The following ANKRD29 variants were observed in gnomAD, a reference collection of about 807,000 sequenced individuals.
The protein encoded by ANKRD29 is ankyrin repeat domain-containing protein 29.
ANKRD29 carries 32 observed loss-of-function variants against 38.0 expected under a neutral mutation model. The ratio of observed to expected loss-of-function variants is 0.84; its 90% CI spans 0.64 to 1.13. The LOEUF (loss-of-function observed/expected upper bound fraction) is 1.13, where lower values mean the gene tolerates loss of function less well. ANKRD29 is among the 50% of genes most tolerant of loss of function. The probability of loss-of-function intolerance (pLI) is 0.00; values close to 1 mark genes in which losing one functional copy is unlikely to be tolerated. For synonymous variants in ANKRD29, 135 were observed against 152.4 expected, an observed-to-expected ratio of 0.89 and a Z score of 0.84; for missense variants, 357 against 377.9, an observed-to-expected ratio of 0.94 and a Z score of 0.46.
intron 5 of ANKRD29, among the ~76,000 whole-genome samples, chr18:23,632,859 C>T (rs533971568): frequency 1.3e-5 from 2 of 152,062 alleles, no homozygotes; most frequent in Non-Finnish European, 2.9e-5. Flanking sequence ...GTGAGGCTAG[C>T]TGCTATGAAT....
At chr18:23,619,480 A>C in intron 7 of ANKRD29, 51 bp downstream of exon 7, 1 of 1,507,294 alleles carries the variant, frequency 6.6e-7, no homozygotes. Flanking sequence ...TTTTCTCCAC[A>C]CAGGCGCGCC....
intron 9 of ANKRD29, among the ~76,000 whole-genome samples, chr18:23,607,208 A>G (rs910058267): frequency 2.0e-5 from 3 of 152,176 alleles, no homozygotes; most frequent in African/African-American, 7.2e-5. Flanking sequence ...TGCTGGATTC[A>G]ATCACAGAGG....
intron 6 of ANKRD29, among the ~76,000 whole-genome samples, chr18:23,628,392 T>C (rs1304566999): frequency 6.6e-6 from 1 of 152,216 alleles, no homozygotes; most frequent in Non-Finnish European, 1.5e-5. Flanking sequence ...AAAGTTCTCA[T>C]AGCTATTCAT....
chr18:23,610,718 C>G (rs1449351701), intron 9 of ANKRD29, among the ~76,000 whole-genome samples: 1 of 152,176 alleles, frequency 6.6e-6, no homozygotes, highest in Admixed American at 6.5e-5. Context: ...CTCCGTCGTT[C>G]AGGGTGGATT....
intron 4 of ANKRD29, among the ~76,000 whole-genome samples, chr18:23,635,566 G>T (rs1032680475): frequency 1.8e-4 from 27 of 152,160 alleles, no homozygotes; most frequent in African/African-American, 6.5e-4. Context: ...TGAGCTAATT[G>T]TAAGTAATTC....
At chr18:23,662,648 C>T in intron 1 of ANKRD29, 62 bp downstream of exon 1, 1 of 1,060,596 alleles carries the variant, frequency 9.4e-7, no homozygotes, top group Non-Finnish European at 1.3e-6. Flanking sequence ...CCCCACCCGA[C>T]CCCGCGGGCC....
At chr18:23,625,537 A>G (rs987958908) in intron 6 of ANKRD29, among the ~76,000 whole-genome samples, 2 of 152,216 alleles carry the variant, frequency 1.3e-5, no homozygotes, top group African/African-American at 4.8e-5. Flanking sequence ...CACACGACTC[A>G]CTAGAGAAAG....
intron 9 of ANKRD29, among the ~76,000 whole-genome samples, chr18:23,602,278 C>T (rs554449431): frequency 5.9e-5 from 9 of 152,064 alleles, no homozygotes; most frequent in South Asian, 4.1e-4. Flanking sequence ...TCAAGTGATC[C>T]GCCCGCCTCC....
chr18:23,656,092 CAAAAAA>C (rs1288367761), intron 1 of ANKRD29, among the ~76,000 whole-genome samples: 1 of 64,480 alleles, frequency 1.6e-5, no homozygotes, highest in African/African-American at 4.7e-5. Flanking sequence ...GACTCCGTCT[CAAAAAA>C]AAAAAAAAAA....
intron 9 of ANKRD29, among the ~76,000 whole-genome samples, chr18:23,602,321 C>A (rs1455623302): frequency 1.3e-5 from 2 of 152,212 alleles, no homozygotes; most frequent in African/African-American, 4.8e-5. Flanking sequence ...CAGGTGTGAG[C>A]CACCGCGCCC....
At chr18:23,616,316 G>C (rs921411267) in intron 8 of ANKRD29, among the ~76,000 whole-genome samples, 13 of 149,300 alleles carry the variant, frequency 8.7e-5, no homozygotes, top group African/African-American at 2.9e-4. Context: ...ATTGCTTAAG[G>C]CTGGGAGTTT....
At chr18:23,660,535 C>G (rs150449776) in intron 1 of ANKRD29, among the ~76,000 whole-genome samples, 1,923 of 152,190 alleles carry the variant, frequency 0.013, 22 homozygotes, top group Non-Finnish European at 0.019. Context: ...GGTTGGGTGC[C>G]GTGGCTCATG....
intron 8 of ANKRD29, among the ~76,000 whole-genome samples, chr18:23,614,296 A>G (rs1200929905): frequency 6.6e-6 from 1 of 152,136 alleles, no homozygotes; most frequent in African/African-American, 2.4e-5. Flanking sequence ...TCCTAATCTC[A>G]GGTGATTCGC....
intron 1 of ANKRD29, among the ~76,000 whole-genome samples, chr18:23,657,777 C>T (rs1350786050): frequency 6.6e-6 from 1 of 152,154 alleles, no homozygotes; most frequent in Non-Finnish European, 1.5e-5. Flanking sequence ...CTTTTTATGG[C>T]TGAATGATAG....
chr18:23,638,818 A>T, intron 4 of ANKRD29, 31 bp downstream of exon 4: 1 of 1,559,746 alleles, frequency 6.4e-7, no homozygotes, highest in South Asian at 1.2e-5. Flanking sequence ...AAATTCTTCA[A>T]CATAATACAA....
At chr18:23,606,645 T>A (rs1017432967) in intron 9 of ANKRD29, among the ~76,000 whole-genome samples, 2 of 152,132 alleles carry the variant, frequency 1.3e-5, no homozygotes, top group Non-Finnish European at 2.9e-5. Flanking sequence ...GTATGGGTCA[T>A]GAAGATCTTC....
In ANKRD29 at chr18:23,603,822, G is replaced by C. The variant is rs566113643; in HGVS notation, c.823-2513C>G. Reference sequence around the variant, plus strand: ...TGGAGGCTAATGCAACTCCATCTTGGATGCTAATCTGCCATGTTTACTTCT... The same window carrying C: ...TGGAGGCTAATGCAACTCCATCTTGCATGCTAATCTGCCATGTTTACTTCT... On this transcript the variant is annotated intron_variant, in intron 9 of 9. Coordinates refer to ENST00000592179, the MANE Select transcript of ANKRD29 (RefSeq NM_173505.4). Among the ~76,000 whole-genome samples the C allele has an allele frequency of 2.5e-4, 38 of 152,040 alleles. No homozygotes were observed. The East Asian group carries it at 6.4e-3, about 26-fold the overall frequency.
intron 1 of ANKRD29, among the ~76,000 whole-genome samples, chr18:23,649,683 T>G: frequency 6.6e-6 from 1 of 152,364 alleles, no homozygotes; most frequent in Non-Finnish European, 1.5e-5. Flanking sequence ...TGATTCCAAC[T>G]ACCTGTGTGA....
At chr18:23,632,533 G>GTATGTATATATATA (rs2059947163) in intron 5 of ANKRD29, among the ~76,000 whole-genome samples, 1 of 130,904 alleles carries the variant, frequency 7.6e-6, no homozygotes. Context: ...GTGTGTGTGT[G>GTATGTATATATATA]TATATATATA....
Sources: allele counts gnomAD v4.1 joint callset (sites outside exome capture counted in the v4.1 genomes callset), GRCh38; gene constraint gnomAD v4.1.1; transcripts MANE v1.5; gene names NCBI Gene and HGNC (gene_info 2026-07-23, HGNC 2026-07-21).